IP6K3: variants seen among roughly 807,000 people sequenced by gnomAD.
IP6K3 encodes ATP:1D-myo-inositol-hexakisphosphate phosphotransferase.
A neutral mutation model predicts 28.8 loss-of-function variants in IP6K3; 20 were observed. That is an observed-to-expected ratio of 0.70 (90% confidence interval 0.49 to 1.01). IP6K3 has a LOEUF of 1.01. Among genes scored for constraint, IP6K3 ranks in the 50% least tolerant of loss-of-function variants. The probability of loss-of-function intolerance (pLI) is 0.00; values close to 1 mark genes in which losing one functional copy is unlikely to be tolerated. For synonymous variants in IP6K3, 213 were observed against 221.3 expected, an observed-to-expected ratio of 0.96 and a Z score of 0.33; for missense variants, 480 against 537.1, an observed-to-expected ratio of 0.89 and a Z score of 1.05.
the IP6K3 span, among the ~76,000 whole-genome samples, chr6:33,758,878 C>T: frequency 3.9e-5 from 6 of 152,166 alleles, no homozygotes; most frequent in East Asian, 1.9e-4. Flanking sequence ...GGATTACAGG[C>T]GTGAACCACT....
chr6:33,758,353 AAAAC>A, the IP6K3 span, among the ~76,000 whole-genome samples: 134 of 152,182 alleles, frequency 8.8e-4, no homozygotes, highest in East Asian at 8.9e-3. Context: ...ATCTCTTCAA[AAAAC>A]AAACAAACAA....
At chr6:33,735,234 C>T (rs377713433) in intron 2 of IP6K3, 44 bp downstream of exon 2, 81 of 1,551,958 alleles carry the variant, frequency 5.2e-5, no homozygotes, top group Non-Finnish European at 6.3e-5. Context: ...AGCCGGCCCC[C>T]GTGTGGCAGC....
At chr6:33,724,334 C>G (rs139279603) in intron 5 of IP6K3, among the ~76,000 whole-genome samples, 1 of 152,224 alleles carries the variant, frequency 6.6e-6, no homozygotes, top group African/African-American at 2.4e-5. Context: ...CAAAGGACAT[C>G]TGTGCAACAA....
rs1210358022 is a variant in IP6K3, at chr6:33,722,069, G to A, written c.*651C>T. Reference sequence around the variant, plus strand: ...GGGGAAAAAAAGGAAAAAAAAGCCTGTAAAGGGACCCTCCTTTCCACAGGC... The same window carrying A: ...GGGGAAAAAAAGGAAAAAAAAGCCTATAAAGGGACCCTCCTTTCCACAGGC... On this transcript the variant is annotated 3_prime_UTR_variant, in exon 6 of 6. Coordinates refer to ENST00000293756, the MANE Select transcript of IP6K3 (RefSeq NM_054111.5). 6.6e-6 allele frequency: 1 copy of A among 152,170 alleles called. No individual in the cohort carries two copies. Among genetic ancestry groups the A allele is most frequent in the African/African-American group, 2.4e-5 (1 of 41,442 alleles). 9.4% of individuals were successfully genotyped at this position (152,170 alleles called of 1,614,324 possible). A position where few individuals can be genotyped will look rare whatever the true frequency, so the allele number is the denominator to read the frequency against.
intron 5 of IP6K3, among the ~76,000 whole-genome samples, chr6:33,725,191 T>A (rs1369975197): frequency 2.1e-5 from 3 of 144,094 alleles, no homozygotes; most frequent in African/African-American, 5.2e-5. Context: ...ATTGTGCCAC[T>A]GCACTCCAGC....
chr6:33,753,110 G>T, the IP6K3 span, among the ~76,000 whole-genome samples: 1 of 152,064 alleles, frequency 6.6e-6, no homozygotes, highest in Non-Finnish European at 1.5e-5. Flanking sequence ...AGAGTTGGGG[G>T]TATCACTATG....
At chr6:33,760,688 C>T in the IP6K3 span, among the ~76,000 whole-genome samples, 4 of 152,086 alleles carry the variant, frequency 2.6e-5, no homozygotes, top group Admixed American at 6.5e-5. Context: ...CCACAATGCC[C>T]GGCTAATTTT....
At chr6:33,752,346 G>A in the IP6K3 span, among the ~76,000 whole-genome samples, 3 of 152,208 alleles carry the variant, frequency 2.0e-5, no homozygotes, top group African/African-American at 7.2e-5. Context: ...CTAGGGTGGA[G>A]GGCCTCTTTC....
chr6:33,728,156 C>T lies in IP6K3; in HGVS notation c.344G>A (p.Gly115Asp), dbSNP rs753016181. ...AIWQTLQQTT[G>D]SNGSDCTLAQ... ...AAGGGTGCAGTCGCTGCCATTGCTG[C>T]CGGTGGTCTGCTGGAGCGTCTGCCA... is the stretch of plus-strand genomic sequence containing the variant. Residue 115 changes from glycine to aspartate, a missense_variant, in exon 3 of 6, where the codon GGC becomes GAC. Physicochemically the swap from Gly to Asp is moderately conservative, Grantham distance 94. Coordinates refer to ENST00000293756, the MANE Select transcript of IP6K3 (RefSeq NM_054111.5). 16 of 1,612,460 alleles carry T rather than the reference C, an allele frequency of 9.9e-6. 1 individual carries two copies. In the South Asian group the frequency reaches 1.3e-4, roughly 13 times the overall value.
the IP6K3 span, among the ~76,000 whole-genome samples, chr6:33,761,728 T>C: frequency 1.3e-5 from 2 of 152,216 alleles, no homozygotes; most frequent in Admixed American, 1.3e-4. Flanking sequence ...TCAGGCCCCA[T>C]GCTCTGCAGG....
chr6:33,738,864 C>T (rs559537876), intron 1 of IP6K3, among the ~76,000 whole-genome samples: 24 of 152,322 alleles, frequency 1.6e-4, no homozygotes, highest in African/African-American at 5.5e-4. Context: ...CTGGCCTGTC[C>T]CCTATCCCAC....
chr6:33,731,360 C>T (rs1226046545), intron 2 of IP6K3, among the ~76,000 whole-genome samples: 1 of 152,186 alleles, frequency 6.6e-6, no homozygotes, highest in Non-Finnish European at 1.5e-5. Flanking sequence ...CAGGAGGTCT[C>T]CCTGGAGGGA....
the IP6K3 span, among the ~76,000 whole-genome samples, chr6:33,756,442 G>C: frequency 2.0e-5 from 3 of 152,040 alleles, no homozygotes; most frequent in Admixed American, 6.6e-5. Flanking sequence ...GAAGCCAGGG[G>C]AGAGAGGTAG....
At chr6:33,751,580 G>C (rs752263161), upstream of IP6K3, among the ~76,000 whole-genome samples, 20 of 151,354 alleles carry the variant, frequency 1.3e-4, no homozygotes, top group Non-Finnish European at 1.9e-4. This position sits in a 1 kb window ranked among gnomAD's most constrained non-coding sequence, Gnocchi z 4.3. Flanking sequence ...GCCATGATCA[G>C]TAGAAGCAGG....
chr6:33,741,543 G>A (rs1766718765), intron 1 of IP6K3, among the ~76,000 whole-genome samples: 1 of 151,642 alleles, frequency 6.6e-6, no homozygotes, highest in African/African-American at 2.4e-5. Flanking sequence ...CTACTCGGGA[G>A]GCTGAGGCAG....
rs73743333 is a variant in IP6K3, at chr6:33,746,265, G to A, written c.-180+493C>T. Among the ~76,000 whole-genome samples, 16,442 of 152,124 alleles carry A rather than the reference G, an allele frequency of 0.11. 1,145 individuals are homozygous for A. The highest frequency in any genetic ancestry group is 0.19 in the African/African-American group (8,023 of 41,466). ...TGCTGATGTCATCCAGCCTGGTGCC[G>A]GCCTCCTGCCCCCTCCCGTGGAAAG... On this transcript the variant is annotated intron_variant, in intron 1 of 5. Coordinates refer to ENST00000293756, the MANE Select transcript of IP6K3 (RefSeq NM_054111.5). This position sits in a 1 kb window ranked among gnomAD's most constrained non-coding sequence, Gnocchi z 6.5.
intron 1 of IP6K3, among the ~76,000 whole-genome samples, chr6:33,736,983 T>C (rs1766549368): frequency 6.6e-6 from 1 of 152,214 alleles, no homozygotes; most frequent in African/African-American, 2.4e-5. Flanking sequence ...TGGTCCTATT[T>C]TCCTCACAGC....
intron 2 of IP6K3, among the ~76,000 whole-genome samples, chr6:33,733,936 C>T (rs539140101): frequency 6.6e-6 from 1 of 152,334 alleles, no homozygotes; most frequent in African/African-American, 2.4e-5. Context: ...GGCGCAGTGG[C>T]TCACGCCTGT....
intron 1 of IP6K3, among the ~76,000 whole-genome samples, chr6:33,738,382 G>A (rs57303110): frequency 0.1 from 15,890 of 152,208 alleles, 1,036 homozygotes; most frequent in African/African-American, 0.18. Context: ...CACACCCCTC[G>A]TCTTTCCCCA....
Sources: gnomAD v4.1 joint callset for allele counts (sites outside exome capture counted in the v4.1 genomes callset) on GRCh38, gnomAD v4.1.1 for gene constraint, Gnocchi (gnomAD v3.1) non-coding constraint, MANE v1.5 for transcripts, NCBI Gene and HGNC (gene_info 2026-07-23, HGNC 2026-07-21) for gene names.